MYO5C: variants seen among roughly 807,000 people sequenced by gnomAD.
The protein encoded by MYO5C is myosin VC.
Under a neutral mutation model 235.7 loss-of-function variants are expected in MYO5C, and 194 were observed. The observed-to-expected ratio is 0.82, with a 90% CI of 0.73 to 0.93. MYO5C has a LOEUF of 0.93. Ranked by LOEUF, MYO5C falls within the 40% of genes least tolerant of loss-of-function variation. MYO5C has a pLI of 0.00. For synonymous variants in MYO5C, 707 were observed against 754.8 expected (o/e 0.94, Z 1.04); for missense variants, 2,038 against 2,127.2 (o/e 0.96, Z 0.82).
chr15:52,251,336 T>C (rs2036468433), intron 13 of MYO5C, 54 bp downstream of exon 13: 1 of 1,515,520 alleles, frequency 6.6e-7, no homozygotes. Flanking sequence ...CTACTCCTTC[T>C]GGAGGCTGTA....
chr15:52,259,542 C>T (rs1210408042), intron 10 of MYO5C, among the ~76,000 whole-genome samples: 1 of 151,990 alleles, frequency 6.6e-6, no homozygotes, highest in East Asian at 1.9e-4. Flanking sequence ...TACGTATTTC[C>T]ACCACAATGA....
rs763996740 is a variant in MYO5C, at chr15:52,247,636, C to G, written c.1747-44G>C. On this transcript the variant is annotated intron_variant, in intron 14 of 40. Transcript: ENST00000261839. Reference sequence around the variant, plus strand: ...ATCTCAATGTCCAAAAGCAACTGCCCACAGTACTCACTCATACAAGCCACG... The same window carrying G: ...ATCTCAATGTCCAAAAGCAACTGCCGACAGTACTCACTCATACAAGCCACG... The G allele has an allele frequency of 1.6e-5, 25 of 1,606,012 alleles. No homozygotes were observed. The African/African-American group carries it at 3.1e-4, about 20-fold the overall frequency.
At chr15:52,267,293 T>C (rs2036833457) in intron 8 of MYO5C, among the ~76,000 whole-genome samples, 1 of 152,262 alleles carries the variant, frequency 6.6e-6, no homozygotes, top group Non-Finnish European at 1.5e-5. Flanking sequence ...GCAGTTACTA[T>C]GCACCTGCTA....
intron 8 of MYO5C, among the ~76,000 whole-genome samples, chr15:52,266,849 G>A (rs1214674917): frequency 6.6e-6 from 1 of 152,218 alleles, no homozygotes; most frequent in African/African-American, 2.4e-5. Context: ...TCTCTTGAAG[G>A]GAGAGTTGCA....
intron 25 of MYO5C, among the ~76,000 whole-genome samples, chr15:52,227,500 A>C (rs1009650075): frequency 6.6e-6 from 1 of 151,896 alleles, no homozygotes; most frequent in African/African-American, 2.4e-5. Flanking sequence ...CCCAGCCCCA[A>C]GTAATCTTAA....
chr15:52,205,914 A>G lies in MYO5C; in HGVS notation c.4439T>C (p.Phe1480Ser), dbSNP rs1031462200. The G allele has an allele frequency of 1.3e-6, 2 of 1,599,846 alleles. No homozygotes were observed. Among genetic ancestry groups the G allele is most frequent in the Admixed American group, 3.4e-5 (2 of 59,334 alleles). ...AATCTGTCTGTATTCTGAAAGGTCA[A>G]AATTGTTCAAGCAATTCTTATTCTG... ...PQQNKNCLNNFDLSEYRQILS... is the reference protein window; with the variant it reads ...PQQNKNCLNNSDLSEYRQILS... The change falls in exon 37 of 41, where the codon TTT becomes TCT. Residue 1480 changes from phenylalanine (F) to serine (S), a missense_variant. Physicochemically the swap from Phe to Ser is radical, Grantham distance 155. Coordinates refer to ENST00000261839, the MANE Select transcript of MYO5C (RefSeq NM_018728.4).
chr15:52,248,002 A>G (rs1158800817), intron 14 of MYO5C, among the ~76,000 whole-genome samples: 2 of 152,160 alleles, frequency 1.3e-5, no homozygotes, highest in African/African-American at 2.4e-5. Context: ...CCACTTCGCA[A>G]TGAATGAATT....
intron 36 of MYO5C, among the ~76,000 whole-genome samples, chr15:52,206,869 T>TA (rs771120132): frequency 2.0e-5 from 3 of 152,204 alleles, no homozygotes; most frequent in Non-Finnish European, 2.9e-5. Context: ...CGTGGTGGCT[T>TA]ACGCCTGTAA....
rs747241119 is a variant in MYO5C, at chr15:52,194,041, C to G, written c.5090G>C (p.Ser1697Thr). 1.2e-6 allele frequency: 2 copies of G among 1,612,600 alleles called. No homozygotes were observed. The highest frequency in any genetic ancestry group is 2.2e-5 in the South Asian group (2 of 90,508). Residue 1697 changes from serine (S) to threonine (T), a missense_variant, in exon 41 of 41, where the codon AGC becomes ACC. By Grantham distance (58) the Ser-to-Thr change is moderately conservative (BLOSUM62 1). Transcript: ENST00000261839. ...FVRKVQALLNSREDSSQLMLD... is the reference protein window; with the variant it reads ...FVRKVQALLNTREDSSQLMLD... ...CATCAGCTGTGATGAATCCTCCCGG[C>G]TATTTAGGAGAGCCTGAAATTAGAA...
chr15:52,211,626 CAT>C (rs2035442385), intron 35 of MYO5C, 102 bp downstream of exon 35: 2 of 1,268,342 alleles, frequency 1.6e-6, no homozygotes, highest in Non-Finnish European at 2.2e-6. Flanking sequence ...TTTGAGGAAT[CAT>C]GTGGCTCACC....
At chr15:52,265,625 A>ACGTCCTAGGCTCAAGTAAT (rs1338719369) in intron 8 of MYO5C, among the ~76,000 whole-genome samples, 1 of 150,730 alleles carries the variant, frequency 6.6e-6, no homozygotes, top group African/African-American at 2.4e-5. Context: ...TGCAGCCTCG[A>ACGTCCTAGGCTCAAGTAAT]CCTCCTAGGC....
intron 10 of MYO5C, among the ~76,000 whole-genome samples, chr15:52,260,167 G>A (rs1047921428): frequency 1.8e-4 from 27 of 152,342 alleles, no homozygotes; most frequent in African/African-American, 6.0e-4. Flanking sequence ...AGCTGAGCCC[G>A]GGGTTTAGAA....
rs2035798684 is a variant in MYO5C at position 52,225,426 on chromosome 15, A to G, written c.3301+13T>C. 1 of 1,586,692 alleles carries G rather than the reference A, an allele frequency of 6.3e-7. No individual in the cohort carries two copies. Among genetic ancestry groups the G allele is most frequent in the Non-Finnish European group, 8.7e-7 (1 of 1,155,104 alleles). The stretch of plus-strand genomic sequence containing the variant: ...TCTGCACCCATGGACTAAGAGACTC[A>G]TATTTTTATTACCTCTCATTTCCCG... On this transcript the variant is annotated intron_variant, in intron 26 of 40. Transcript: ENST00000261839.
chr15:52,250,798 A>G (rs2036455027), intron 13 of MYO5C, among the ~76,000 whole-genome samples: 1 of 152,234 alleles, frequency 6.6e-6, no homozygotes, highest in Non-Finnish European at 1.5e-5. Context: ...GAAAACAAAT[A>G]AGAATGTACA....
chr15:52,252,275 T>C (rs1293207591), intron 12 of MYO5C, among the ~76,000 whole-genome samples: 1 of 152,178 alleles, frequency 6.6e-6, no homozygotes, highest in Non-Finnish European at 1.5e-5. Flanking sequence ...ATGACCTTTA[T>C]TCACGGGTGA....
intron 36 of MYO5C, among the ~76,000 whole-genome samples, chr15:52,207,162 C>T (rs2035338282): frequency 6.6e-6 from 1 of 150,820 alleles, no homozygotes; most frequent in East Asian, 1.9e-4. Context: ...AAAAAAAGAA[C>T]AGGACATTGT....
intron 7 of MYO5C, among the ~76,000 whole-genome samples, chr15:52,271,037 A>G (rs2140843543): frequency 6.6e-6 from 1 of 152,344 alleles, no homozygotes; most frequent in East Asian, 1.9e-4. Flanking sequence ...AATATAATTA[A>G]TTATGACTAC....
In MYO5C at chr15:52,292,852, T is replaced by A. The variant is rs1241804441; in HGVS notation, c.27+2758A>T. The stretch of plus-strand genomic sequence containing the variant: ...ATGAGCAAAGGTGACAGACAGAGGC[T>A]CAGACAGGTGGAGTTCGTGTGCCAA... On this transcript the variant is annotated intron_variant, in intron 1 of 40. Transcript: ENST00000261839. Among the ~76,000 whole-genome samples the A allele has an allele frequency of 2.0e-5, 3 of 152,202 alleles. No homozygotes were observed. The East Asian group carries it at 5.8e-4, about 29-fold the overall frequency.
chr15:52,223,480 C>T (rs1252717083), intron 29 of MYO5C, 64 bp downstream of exon 29: 24 of 1,455,568 alleles, frequency 1.6e-5, no homozygotes, highest in Non-Finnish European at 2.1e-5. Context: ...CTGAATTTGA[C>T]GCCACTGACA....
Sources: gnomAD v4.1 joint callset for allele counts (sites outside exome capture counted in the v4.1 genomes callset) on GRCh38, gnomAD v4.1.1 for gene constraint, MANE v1.5 for transcripts, NCBI Gene and HGNC (gene_info 2026-07-23, HGNC 2026-07-21) for gene names.